The following CEL variants were observed in gnomAD, a reference collection of about 807,000 sequenced individuals.
The protein encoded by CEL is carboxyl ester lipase, also known as bile salt-activated lipase.
CEL carries 39 observed loss-of-function variants against 57.1 expected under a neutral mutation model. The ratio of observed to expected loss-of-function variants is 0.68; its 90% confidence interval spans 0.53 to 0.89. CEL has a LOEUF of 0.89. Among genes scored for constraint, CEL ranks in the 40% least tolerant of loss-of-function variants. The pLI, the probability that CEL is intolerant of heterozygous loss-of-function variation, is 0.00. For synonymous variants in CEL, 314 were observed against 396.6 expected, an observed-to-expected ratio of 0.79 and a Z score of 2.48; for missense variants, 698 against 915.0, an observed-to-expected ratio of 0.76 and a Z score of 3.06.
chr9:133,071,567 G>C lies in CEL; in HGVS notation c.2065G>C (p.Ala689Pro), dbSNP rs997868037. 27 of 688,242 alleles carry C rather than the reference G, an allele frequency of 3.9e-5. No individual in the cohort carries two copies. The highest frequency in any genetic ancestry group is 1.2e-4 in the Admixed American group (3 of 25,492). The allele number at this position is 688,242 out of a possible 1,614,324, so 42.6% of individuals were successfully genotyped here. The change falls in exon 11 of 11, where the codon GCC (alanine) becomes CCC (proline). Residue 689 changes from alanine to proline, a missense_variant. This residue lies in a region of CEL where 238 missense variants were observed against 213.7 expected (regional missense o/e 1.11). Transcript: ENST00000372080. Reference protein sequence around the residue: ...PPVPPTGDSGAPPVPPTGDSG... With the variant: ...PPVPPTGDSGPPPVPPTGDSG... The stretch of plus-strand genomic sequence containing the variant: ...CGTGCCGCCCACGGGTGACTCCGGC[G>C]CCCCCCCCGTGCCGCCCACGGGTGA...
In CEL at chr9:133,071,609, G is replaced by C; in HGVS notation, c.2107G>C (p.Val703Leu). The C allele has an allele frequency of 7.1e-7, 1 of 1,408,178 alleles. No homozygotes were observed. Among genetic ancestry groups the C allele is most frequent in the South Asian group, 1.2e-5 (1 of 81,446 alleles). The allele number at this position is 1,408,178 out of a possible 1,614,324, so 87.2% of individuals were successfully genotyped here. ...PPTGDSGAPP[V>L]TPTGDSETAP... is the part of the protein sequence containing the mutation. ...CACGGGTGACTCCGGGGCCCCCCCC[G>C]TGACCCCCACGGGTGACTCCGAGAC... The change falls in exon 11 of 11, where the codon GTG (valine) becomes CTG (leucine). Residue 703 changes from valine (V) to leucine (L), a missense_variant. By Grantham distance (32) the Val-to-Leu change is conservative. This residue lies in a region of CEL where 238 missense variants were observed against 213.7 expected (regional missense o/e 1.11). Coordinates refer to ENST00000372080, the MANE Select transcript of CEL (RefSeq NM_001807.6).
Position 133,070,521 on chromosome 9 carries a change from A to T in CEL, c.1347A>T (p.Lys449Asn). Reference protein sequence around the residue: ...SHPSRMPVYPKWVGADHADDI... With the variant: ...SHPSRMPVYPNWVGADHADDI... ...CCTCTCGGATGCCCGTCTACCCCAA[A>T]TGGGTGGGGGCCGACCATGCAGATG... The change falls in exon 10 of 11, where the codon AAA becomes AAT. Residue 449 changes from lysine to asparagine, a missense_variant. This residue lies in a region of CEL where 111 missense variants were observed against 147.3 expected (regional missense o/e 0.75). Coordinates refer to ENST00000372080, the MANE Select transcript of CEL (RefSeq NM_001807.6). The T allele has an allele frequency of 6.2e-7, 1 of 1,613,750 alleles. No homozygotes were observed. The highest frequency in any genetic ancestry group is 8.5e-7 in the Non-Finnish European group (1 of 1,179,948).
Position 133,071,265 on chromosome 9 carries a change from C to T in CEL, c.1763C>T (p.Ser588Phe), listed in dbSNP as rs753734528. 6.5e-7 allele frequency: 1 copy of T among 1,527,764 alleles called. No individual in the cohort carries two copies. Among genetic ancestry groups the T allele is most frequent in the East Asian group, 2.4e-5 (1 of 41,072 alleles). The allele number at this position is 1,527,764 out of a possible 1,614,324, so 94.6% of individuals were successfully genotyped here. The change falls in exon 11 of 11, where the codon TCC (serine) becomes TTC (phenylalanine). Residue 588 changes from serine (S) to phenylalanine (F), a missense_variant. Physicochemically the swap from Ser to Phe is radical, Grantham distance 155. Transcript: ENST00000372080. ...GCCCCCGTGCCGCCCACGGGTGACT[C>T]CGGGGCCCCCCCCGTGCCGCCCACG... ...ETAPVPPTGD[S>F]GAPPVPPTGD...
intron 7 of CEL, among the ~76,000 whole-genome samples, 180 bp from the exon 8 acceptor site, chr9:133,068,492 A>T (rs1231989693): frequency 1.3e-5 from 2 of 151,208 alleles, no homozygotes; most frequent in Non-Finnish European, 2.9e-5. Flanking sequence ...GAGGCCGGGG[A>T]TGCTCTAAAC....
Position 133,071,790 on chromosome 9 carries a change from G to T in CEL, c.*26G>T. The stretch of plus-strand genomic sequence containing the variant: ...CGTCCCATGAGCCTTGGTATCAAGA[G>T]GCCACAAGAGTGGGACCCCAGGGGC... On this transcript the variant is annotated 3_prime_UTR_variant, in exon 11 of 11. Coordinates refer to ENST00000372080, the MANE Select transcript of CEL (RefSeq NM_001807.6). 6 of 1,606,768 alleles carry T rather than the reference G, an allele frequency of 3.7e-6. No individual in the cohort carries two copies. Among genetic ancestry groups the T allele is most frequent in the Non-Finnish European group, 5.1e-6 (6 of 1,174,822 alleles).
At chr9:133,070,703 G>T (rs1196354663) in intron 10 of CEL, 45 bp downstream of exon 10, 3 of 1,613,172 alleles carry the variant, frequency 1.9e-6, no homozygotes, top group East Asian at 2.2e-5. Flanking sequence ...CAGCCGAGAA[G>T]GGCCTCCCAC....
In CEL at chr9:133,064,772, C is replaced by T. The variant is rs367575906; in HGVS notation, c.340+10C>T. On this transcript the variant is annotated intron_variant, in intron 3 of 10. Transcript: ENST00000372080. ...CAGGGCAGGAAGCAAGGTCTGCCTC[C>T]CCTCTACTCCCCAAGGGACCCTCCC... 90 of 1,613,744 alleles carry T rather than the reference C, an allele frequency of 5.6e-5. No homozygotes were observed. The highest frequency in any genetic ancestry group is 6.4e-5 in the Non-Finnish European group (76 of 1,180,016).
At chr9:133,062,170 G>C in intron 1 of CEL, 102 bp downstream of exon 1, 2 of 1,325,180 alleles carry the variant, frequency 1.5e-6, no homozygotes, top group Non-Finnish European at 1.0e-6. Flanking sequence ...CCCCGCAGCA[G>C]ATCCCGGGCA....
Position 133,064,572 on chromosome 9 carries a change from C to T in CEL, c.217+18C>T, listed in dbSNP as rs374818618. The T allele has an allele frequency of 1.4e-5, 22 of 1,613,936 alleles. No homozygotes were observed. The highest frequency in any genetic ancestry group is 8.0e-5 in the African/African-American group (6 of 74,934). ...CTGGCAAGGTGGGAGTGGGTGGTGC[C>T]GGACTGGCCCTGCGGCGGGGCGGGT... On this transcript the variant is annotated intron_variant, in intron 2 of 10. Coordinates refer to ENST00000372080, the MANE Select transcript of CEL (RefSeq NM_001807.6).
intron 1 of CEL, among the ~76,000 whole-genome samples, chr9:133,063,524 C>A (rs1217640437): frequency 1.3e-5 from 2 of 152,204 alleles, no homozygotes; most frequent in African/African-American, 4.8e-5. Context: ...CCACCTGGAA[C>A]CTGGCACAGG....
Position 133,066,679 on chromosome 9 carries a change from G to A in CEL, c.669+19G>A, listed in dbSNP as rs777677286. 6 of 1,611,892 alleles carry A rather than the reference G, an allele frequency of 3.7e-6. 1 individual carries two copies. The African/African-American group carries it at 5.3e-5, about 14-fold the overall frequency. On this transcript the variant is annotated intron_variant, in intron 5 of 10. Coordinates refer to ENST00000372080, the MANE Select transcript of CEL (RefSeq NM_001807.6). This position sits in a 1 kb window ranked among gnomAD's most constrained non-coding sequence, Gnocchi z 4.3. ...TCTGCAGGTCTCGGGATCCCTGTGG[G>A]GAGGGCCTGCCCCACAGGTTGAGAG...
intron 7 of CEL, among the ~76,000 whole-genome samples, chr9:133,067,895 C>T (rs149168584): frequency 0.018 from 2,763 of 152,324 alleles, 90 homozygotes; most frequent in African/African-American, 0.063. Flanking sequence ...TGGGGCCCAG[C>T]CTCCAGCTCC....
At position 133,066,455 on chromosome 9, in the gene CEL, T is replaced by C. The variant is rs148017069; in HGVS notation, c.539-75T>C. ...CTGTTGAGGGCATTTCCACCCCACC[T>C]ATGCTGATCTCCCCTCCTGGAGGCC... On this transcript the variant is annotated intron_variant, in intron 4 of 10. Coordinates refer to ENST00000372080, the MANE Select transcript of CEL (RefSeq NM_001807.6). The surrounding 1 kb of genome is among the most constrained non-coding windows in gnomAD (Gnocchi z 4.3). 2.3e-3 allele frequency: 3,648 copies of C among 1,588,932 alleles called. 41 individuals are homozygous for C. The highest frequency in any genetic ancestry group is 0.018 in the South Asian group (1,657 of 90,562).
intron 1 of CEL, among the ~76,000 whole-genome samples, chr9:133,063,206 C>T (rs192622472): frequency 6.6e-6 from 1 of 151,916 alleles, no homozygotes; most frequent in Non-Finnish European, 1.5e-5. Context: ...TCACCTTCTT[C>T]TTGGGCGAGC....
intron 7 of CEL, 65 bp downstream of exon 7, chr9:133,067,270 G>A: frequency 7.3e-7 from 1 of 1,376,244 alleles, no homozygotes; most frequent in Non-Finnish European, 1.0e-6. Context: ...TACTGCCAGG[G>A]AGTACTCCGG....
intron 7 of CEL, 66 bp from the exon 8 acceptor site, chr9:133,068,606 C>A (rs1830217399): frequency 1.2e-6 from 2 of 1,610,454 alleles, no homozygotes; most frequent in Non-Finnish European, 1.7e-6. Flanking sequence ...CCCTGAGAGG[C>A]AAGGGGCGGC....
At chr9:133,069,489 G>A (rs1282260377) in intron 9 of CEL, among the ~76,000 whole-genome samples, 11 of 149,718 alleles carry the variant, frequency 7.3e-5, no homozygotes, top group Non-Finnish European at 1.2e-4. Context: ...CCTCTGCCCT[G>A]CTCAGCCCTG....
chr9:133,065,101 C>T lies in CEL; in HGVS notation c.402C>T (p.Gly134=), dbSNP rs150358550. Residue 134 remains glycine, a synonymous_variant, in exon 4 of 11, where the codon GGC becomes GGT. Transcript: ENST00000372080. The part of the protein sequence containing the change: ...IYGGAFLMGS[G]HGANFLNNYL... ...GAGGCGCCTTCCTCATGGGGTCCGG[C>T]CATGGGGCCAACTTCCTCAACAACT... The T allele has an allele frequency of 1.5e-5, 25 of 1,613,828 alleles. No homozygotes were observed. The highest frequency in any genetic ancestry group is 2.1e-5 in the Non-Finnish European group (25 of 1,180,042).
At chr9:133,070,005 A>G (rs1454860354) in intron 9 of CEL, among the ~76,000 whole-genome samples, 1 of 152,090 alleles carries the variant, frequency 6.6e-6, no homozygotes, top group African/African-American at 2.4e-5. Context: ...AAAATAAAAA[A>G]TAAGTTAGGA....
Sources: gnomAD v4.1 joint callset for allele counts (sites outside exome capture counted in the v4.1 genomes callset) on GRCh38, gnomAD v4.1.1 for gene constraint, gnomAD v4.1.1 regional missense constraint, Gnocchi (gnomAD v3.1) non-coding constraint, MANE v1.5 for transcripts, NCBI Gene and HGNC (gene_info 2026-07-23, HGNC 2026-07-21) for gene names.